APBA1: variants seen among roughly 807,000 people sequenced by gnomAD.
APBA1 encodes amyloid-beta A4 precursor protein-binding family A member 1.
In APBA1, 55 loss-of-function variants were observed where a neutral mutation model predicts 86.6. The ratio of observed to expected loss-of-function variants is 0.64; its 90% CI spans 0.51 to 0.80. The LOEUF is 0.80. Among genes scored for constraint, APBA1 ranks in the 30% least tolerant of loss-of-function variants. The pLI is 0.00. For missense variants in APBA1, 1,090 were observed against 1,183.0 expected, an observed-to-expected ratio of 0.92 and a Z score of 1.15; for synonymous variants, 511 against 493.9, an observed-to-expected ratio of 1.03 and a Z score of -0.46.
chr9:69,530,820 T>G (rs1043964875), intron 1 of APBA1, among the ~76,000 whole-genome samples: 4 of 152,100 alleles, frequency 2.6e-5, no homozygotes, highest in South Asian at 2.1e-4. Flanking sequence ...CCAAAAAAAG[T>G]CTGTATTGGT....
chr9:69,654,349 C>G (rs1444987639), intron 1 of APBA1, among the ~76,000 whole-genome samples: 1 of 151,894 alleles, frequency 6.6e-6, no homozygotes, highest in Admixed American at 6.6e-5. Context: ...CCTGTAATCC[C>G]GACACTTTGG....
intron 1 of APBA1, among the ~76,000 whole-genome samples, chr9:69,577,328 T>C (rs1821822858): frequency 6.6e-6 from 1 of 152,156 alleles, no homozygotes. Flanking sequence ...TGCATAGACA[T>C]GGCAACAGCT....
At chr9:69,540,192 T>C (rs1333448582) in intron 1 of APBA1, among the ~76,000 whole-genome samples, 1 of 151,884 alleles carries the variant, frequency 6.6e-6, no homozygotes, top group Non-Finnish European at 1.5e-5. Flanking sequence ...CCTGACAACT[T>C]ATCTAAAATA....
chr9:69,597,277 C>T (rs982885570), intron 1 of APBA1, among the ~76,000 whole-genome samples: 1 of 152,174 alleles, frequency 6.6e-6, no homozygotes, highest in South Asian at 2.1e-4. Context: ...TGATGATAAG[C>T]ATGTTTTCAC....
rs772262179 is a variant in APBA1 at position 69,431,141 on chromosome 9, GAAAAA to G, written c.*181_*185del. ...GTGCATACGAAACTTCCCTGGTATT[GAAAAA>G]AAAAAAAAAAAAAAAGCAAATCGGA... On this transcript the variant is annotated 3_prime_UTR_variant, in exon 13 of 13. Coordinates refer to ENST00000265381, the MANE Select transcript of APBA1 (RefSeq NM_001163.4). The G allele has an allele frequency of 4.7e-3, 1,326 of 283,790 alleles. No individual in the cohort carries two copies. Among genetic ancestry groups the G allele is most frequent in the African/African-American group, 6.4e-3 (193 of 30,036 alleles). The allele number at this position is 283,790 out of a possible 1,614,324, so 17.6% of individuals were successfully genotyped here.
intron 1 of APBA1, among the ~76,000 whole-genome samples, chr9:69,574,752 C>G (rs1821745596): frequency 6.6e-6 from 1 of 152,114 alleles, no homozygotes; most frequent in South Asian, 2.1e-4. Context: ...AGCAAAAATA[C>G]TGCTTCGTGA....
At chr9:69,626,324 GTTT>G (rs1195075771) in intron 1 of APBA1, among the ~76,000 whole-genome samples, 1 of 19,038 alleles carries the variant, frequency 5.3e-5, no homozygotes, top group Non-Finnish European at 1.8e-4. Context: ...TGTTATTGTT[GTTT>G]GTTTGTTTGT....
chr9:69,656,987 A>G (rs1415568198), intron 1 of APBA1, among the ~76,000 whole-genome samples: 1 of 152,068 alleles, frequency 6.6e-6, no homozygotes, highest in Non-Finnish European at 1.5e-5. Flanking sequence ...CTGGGACTAC[A>G]GGCGCCCGCC....
intron 10 of APBA1, 51 bp from the exon 11 acceptor site, chr9:69,441,166 A>C (rs1834816017): frequency 6.3e-7 from 1 of 1,574,858 alleles, no homozygotes; most frequent in African/African-American, 1.4e-5. Context: ...AGGCAGACAG[A>C]ATAAACAAAA....
At chr9:69,664,351 T>C (rs1823807191) in intron 1 of APBA1, among the ~76,000 whole-genome samples, 1 of 152,116 alleles carries the variant, frequency 6.6e-6, no homozygotes. Context: ...ATATACTCCT[T>C]TAGGAAGAAA....
intron 1 of APBA1, among the ~76,000 whole-genome samples, chr9:69,616,416 A>G (rs1822701388): frequency 6.6e-6 from 1 of 152,186 alleles, no homozygotes; most frequent in African/African-American, 2.4e-5. Flanking sequence ...TTGATGCAAT[A>G]CCTTTAAGCC....
At chr9:69,573,490 A>G (rs761658475) in intron 1 of APBA1, among the ~76,000 whole-genome samples, 3 of 152,210 alleles carry the variant, frequency 2.0e-5, no homozygotes, top group Non-Finnish European at 4.4e-5. Flanking sequence ...TACAATTTAC[A>G]GCATTGTTGT....
chr9:69,512,292 T>C (rs1249937036), intron 2 of APBA1, among the ~76,000 whole-genome samples: 2 of 152,152 alleles, frequency 1.3e-5, no homozygotes, highest in Non-Finnish European at 2.9e-5. Flanking sequence ...TTCAGTAAAC[T>C]CTTATGGATT....
At position 69,432,607 on chromosome 9, in the gene APBA1, T is replaced by C; in HGVS notation, c.2371A>G (p.Ile791Val). The C allele has an allele frequency of 6.2e-7, 1 of 1,606,820 alleles. No homozygotes were observed. The highest frequency in any genetic ancestry group is 8.5e-7 in the Non-Finnish European group (1 of 1,176,946). The change falls in exon 12 of 13, where the codon ATC becomes GTC. Residue 791 changes from isoleucine to valine, a missense_variant. Coordinates refer to ENST00000265381, the MANE Select transcript of APBA1 (RefSeq NM_001163.4). ...GVRVGHRIIE[I>V]NGQSVVATPH... is the part of the protein sequence containing the mutation. ...GTGGCCACGACGCTCTGTCCATTGATTTCAATGATCCGGTGCCCCACACGG... is the reference window on the plus strand; with the variant it reads ...GTGGCCACGACGCTCTGTCCATTGACTTCAATGATCCGGTGCCCCACACGG...
chr9:69,488,123 G>T (rs1451382338), intron 2 of APBA1, among the ~76,000 whole-genome samples: 1 of 152,078 alleles, frequency 6.6e-6, no homozygotes, highest in Non-Finnish European at 1.5e-5. Context: ...GTGATGAATG[G>T]AAAGAGTGGT....
intron 1 of APBA1, among the ~76,000 whole-genome samples, chr9:69,635,048 G>A (rs1823127011): frequency 6.6e-6 from 1 of 152,144 alleles, no homozygotes; most frequent in African/African-American, 2.4e-5. Flanking sequence ...AAACTCACTA[G>A]TGATAGTAAG....
chr9:69,481,525 C>T lies in APBA1; in HGVS notation c.1201-5382G>A, dbSNP rs531091217. Among the ~76,000 whole-genome samples, 577 of 151,792 alleles carry T rather than the reference C, an allele frequency of 3.8e-3. 4 individuals are homozygous for T. Among genetic ancestry groups the T allele is most frequent in the African/African-American group, 0.013 (553 of 41,328 alleles). ...GCTCATGGGTAGGAAGAATCAATAT[C>T]GTGAAAATGGTCATACTGCCCAAGG... On this transcript the variant is annotated intron_variant, in intron 2 of 12. Coordinates refer to ENST00000265381, the MANE Select transcript of APBA1 (RefSeq NM_001163.4).
At chr9:69,453,724 G>A (rs1352661561) in intron 8 of APBA1, among the ~76,000 whole-genome samples, 1 of 152,170 alleles carries the variant, frequency 6.6e-6, no homozygotes, top group South Asian at 2.1e-4. Context: ...ACCCCCTGAC[G>A]GTCTGGGGAA....
At chr9:69,515,960 C>T (rs1470413949) in intron 2 of APBA1, 51 bp downstream of exon 2, 3 of 1,468,106 alleles carry the variant, frequency 2.0e-6, no homozygotes, top group South Asian at 1.4e-5. Flanking sequence ...GGGGCGCCAT[C>T]TTCCCTCCCA....
Sources: gnomAD v4.1 joint callset for allele counts (sites outside exome capture counted in the v4.1 genomes callset) on GRCh38, gnomAD v4.1.1 for gene constraint, MANE v1.5 for transcripts, NCBI Gene and HGNC (gene_info 2026-07-23, HGNC 2026-07-21) for gene names.